Variants in OR52H1 observed in about 807,000 individuals in gnomAD.
The protein encoded by OR52H1 is olfactory receptor family 52 subfamily H member 1.
For synonymous variants in OR52H1, 148 were observed against 138.6 expected (o/e 1.07, Z -0.48); for missense variants, 383 against 396.4 (o/e 0.97, Z 0.29).
intron 1 of OR52H1, among the ~76,000 whole-genome samples, chr11:5,547,476 G>A (rs1240128165): frequency 6.6e-6 from 1 of 152,120 alleles, no homozygotes; most frequent in Non-Finnish European, 1.5e-5. Flanking sequence ...ATGTACTCTG[G>A]AGCCTCAGAA....
Position 5,544,767 on chromosome 11 carries a change from C to CT in OR52H1, c.738_739insA (p.Val247SerfsTer58). On this transcript the variant is annotated frameshift_variant, in exon 2 of 2. Transcript: ENST00000322653. LOFTEE classifies it low-confidence loss of function (END_TRUNC). ...GTATAAAACATGAGGATGACACAGA[C>CT]ATGAGAACCACAAGTGCCGAGGGCT... The CT allele has an allele frequency of 6.2e-7, 1 of 1,614,106 alleles. No homozygotes were observed. The highest frequency in any genetic ancestry group is 8.5e-7 in the Non-Finnish European group (1 of 1,180,010).
Position 5,548,539 on chromosome 11 carries a change from C to G in OR52H1, c.-118G>C, listed in dbSNP as rs1005199217. 31 of 142,444 alleles carry G rather than the reference C, an allele frequency of 2.2e-4. No homozygotes were observed. Among genetic ancestry groups the G allele is most frequent in the African/African-American group, 7.8e-4 (29 of 37,410 alleles). 8.8% of individuals were successfully genotyped at this position (142,444 alleles called of 1,614,324 possible). ...AGCAGACACACCAACCAAAAAAAAA[C>G]ATGAGTGGAAGGAAAAGGAAGGACG... On this transcript the variant is annotated 5_prime_UTR_variant, in exon 1 of 2. Transcript: ENST00000322653.
chr11:5,545,317 G>A lies in OR52H1; in HGVS notation c.189C>T (p.Phe63=), dbSNP rs779471094. 5 of 1,614,158 alleles carry A rather than the reference G, an allele frequency of 3.1e-6. No homozygotes were observed. The highest frequency in any genetic ancestry group is 1.7e-5 in the Admixed American group (1 of 60,030). Residue 63 remains phenylalanine, a synonymous_variant, in exon 2 of 2, where the codon TTC becomes TTT. Transcript: ENST00000322653. ...CAGTCATGGCCAGCATGGAGAGAAA[G>A]AAGAACATGGGTTCATGAAGACTAT... ...VEHSLHEPMF[F]FLSMLAMTDL... is the part of the protein sequence containing the mutation.
Position 5,544,718 on chromosome 11 carries a change from G to A in OR52H1, c.788C>T (p.Ala263Val), listed in dbSNP as rs1348807969. The change falls in exon 2 of 2, where the codon GCC becomes GTC. Residue 263 changes from alanine (A) to valine (V), a missense_variant. By Grantham distance (64) the Ala-to-Val change is moderately conservative (BLOSUM62 0). Transcript: ENST00000322653. ...FYTPAFFSILAHRFGHNVSRT... is the reference protein window; with the variant it reads ...FYTPAFFSILVHRFGHNVSRT... ...AGAGACATTGTGTCCAAAGCGATGG[G>A]CGAGGATGGAGAAAAAGGCAGGTGT... The A allele has an allele frequency of 6.2e-7, 1 of 1,614,056 alleles. No homozygotes were observed. Among genetic ancestry groups the A allele is most frequent in the African/African-American group, 1.3e-5 (1 of 74,912 alleles).
chr11:5,544,891 G>A lies in OR52H1; in HGVS notation c.615C>T (p.Pro205=), dbSNP rs759857622. Residue 205 remains proline, a synonymous_variant, in exon 2 of 2, where the codon CCC becomes CCT. Transcript: ENST00000322653. ...SINFWYGFCV[P]IMTVISDVIL... Reference sequence around the variant, plus strand: ...TCACATCTGAGATGACCGTCATGATGGGAACACAAAAGCCATACCAGAAGT... The same window carrying A: ...TCACATCTGAGATGACCGTCATGATAGGAACACAAAAGCCATACCAGAAGT... 1.2e-6 allele frequency: 2 copies of A among 1,613,938 alleles called. No homozygotes were observed. Among genetic ancestry groups the A allele is most frequent in the Non-Finnish European group, 1.7e-6 (2 of 1,179,900 alleles).
At chr11:5,548,208 G>A (rs1356760789) in intron 1 of OR52H1, among the ~76,000 whole-genome samples, 1 of 152,142 alleles carries the variant, frequency 6.6e-6, no homozygotes, top group Non-Finnish European at 1.5e-5. Flanking sequence ...TCCTAACACT[G>A]CTAACTGTGG....
Position 5,544,700 on chromosome 11 carries a change from T to C in OR52H1, c.806A>G (p.Asn269Ser), listed in dbSNP as rs375519710. The C allele has an allele frequency of 5.6e-5, 90 of 1,614,060 alleles. No homozygotes were observed. In the African/African-American group the frequency reaches 9.3e-4, roughly 17 times the overall value. ...CATGATGTGGAAGGTGCGAGAGACA[T>C]TGTGTCCAAAGCGATGGGCGAGGAT... ...FSILAHRFGH[N>S]VSRTFHIMFA... Residue 269 changes from asparagine to serine, a missense_variant, in exon 2 of 2, where the codon AAT (asparagine) becomes AGT (serine). By Grantham distance (46) the Asn-to-Ser change is conservative. Transcript: ENST00000322653.
At chr11:5,545,992 C>T (rs1250390502) in intron 1 of OR52H1, among the ~76,000 whole-genome samples, 1 of 152,150 alleles carries the variant, frequency 6.6e-6, no homozygotes, top group Admixed American at 6.5e-5. Context: ...CAACTGTTTG[C>T]TTCTCTTAAA....
At position 5,544,758 on chromosome 11, in the gene OR52H1, T is replaced by C. The variant is rs1846823755; in HGVS notation, c.748A>G (p.Ile250Val). The change falls in exon 2 of 2, where the codon ATC becomes GTC. Residue 250 changes from isoleucine (I) to valine (V), a missense_variant. Transcript: ENST00000322653. ...LGTCGSHVCV[I>V]LMFYTPAFFS... ...AAGGCAGGTGTATAAAACATGAGGA[T>C]GACACAGACATGAGAACCACAAGTG... is the stretch of plus-strand genomic sequence containing the variant. The C allele has an allele frequency of 1.2e-6, 2 of 1,614,058 alleles. No individual in the cohort carries two copies. Among genetic ancestry groups the C allele is most frequent in the East Asian group, 2.2e-5 (1 of 44,870 alleles).
intron 1 of OR52H1, among the ~76,000 whole-genome samples, chr11:5,547,893 C>T (rs1216682306): frequency 6.6e-6 from 1 of 152,196 alleles, no homozygotes; most frequent in Non-Finnish European, 1.5e-5. Flanking sequence ...GATCCACCTG[C>T]CTCAGCCTCC....
intron 1 of OR52H1, among the ~76,000 whole-genome samples, chr11:5,546,951 G>GTTAT (rs1040323330): frequency 6.6e-6 from 1 of 151,990 alleles, no homozygotes; most frequent in Non-Finnish European, 1.5e-5. Context: ...ATGCAGTGTG[G>GTTAT]TTATTTATTT....
In OR52H1 at chr11:5,544,903, G is replaced by A; in HGVS notation, c.603C>T (p.Gly201=). 1 of 1,613,978 alleles carries A rather than the reference G, an allele frequency of 6.2e-7. No homozygotes were observed. The highest frequency in any genetic ancestry group is 8.5e-7 in the Non-Finnish European group (1 of 1,179,916). ...CADISINFWY[G]FCVPIMTVIS... Reference sequence around the variant, plus strand: ...TGACCGTCATGATGGGAACACAAAAGCCATACCAGAAGTTGATGGAGATAT... The same window carrying A: ...TGACCGTCATGATGGGAACACAAAAACCATACCAGAAGTTGATGGAGATAT... Residue 201 remains glycine, a synonymous_variant, in exon 2 of 2, where the codon GGC becomes GGT. Transcript: ENST00000322653.
rs1038097252 is a variant in OR52H1, at chr11:5,546,338, C to T, written c.-30-803G>A. Among the ~76,000 whole-genome samples, 47 of 152,068 alleles carry T rather than the reference C, an allele frequency of 3.1e-4. 1 individual carries two copies. The highest frequency in any genetic ancestry group is 1.1e-3 in the African/African-American group (46 of 41,406). Reference sequence around the variant, plus strand: ...ACATACATCTATTAGAGAGACACATCGACCCAAGACACATACTCTCTCAAA... The same window carrying T: ...ACATACATCTATTAGAGAGACACATTGACCCAAGACACATACTCTCTCAAA... On this transcript the variant is annotated intron_variant, in intron 1 of 1. Coordinates refer to ENST00000322653, the MANE Select transcript of OR52H1 (RefSeq NM_001005289.5).
rs1350379419 is a variant in OR52H1, at chr11:5,544,819, G to A, written c.687C>T (p.Gly229=). The A allele has an allele frequency of 6.2e-7, 1 of 1,614,120 alleles. No homozygotes were observed. Among genetic ancestry groups the A allele is most frequent in the Non-Finnish European group, 8.5e-7 (1 of 1,180,000 alleles). Residue 229 remains glycine, a synonymous_variant, in exon 2 of 2, where the codon GGC becomes GGT. Coordinates refer to ENST00000322653, the MANE Select transcript of OR52H1 (RefSeq NM_001005289.5). ...SYAHILCAVF[G]LPSQDACQKA... ...TCTGGCAGGCATCTTGGGAGGGAAG[G>A]CCAAAGACAGCACAGAGGATGTGTG... is the stretch of plus-strand genomic sequence containing the variant.
At position 5,545,204 on chromosome 11, in the gene OR52H1, G is replaced by A. The variant is rs1846835234; in HGVS notation, c.302C>T (p.Thr101Ile). 2 of 1,614,184 alleles carry A rather than the reference G, an allele frequency of 1.2e-6. No individual in the cohort carries two copies. The highest frequency in any genetic ancestry group is 1.1e-5 in the South Asian group (1 of 91,084). Residue 101 changes from threonine to isoleucine, a missense_variant, in exon 2 of 2, where the codon ACA (threonine) becomes ATA (isoleucine). Coordinates refer to ENST00000322653, the MANE Select transcript of OR52H1 (RefSeq NM_001005289.5). ...AREITFPGCL[T>I]QMFFLHYNFV... ...GTTATAGTGAAGGAAGAACATTTGT[G>A]TAAGGCATCCTGGGAATGTGATTTC...
At chr11:5,546,719 T>C (rs1846861186) in intron 1 of OR52H1, among the ~76,000 whole-genome samples, 1 of 152,176 alleles carries the variant, frequency 6.6e-6, no homozygotes, top group African/African-American at 2.4e-5. Context: ...TGAACTCAAA[T>C]ACAACAGATG....
rs1687496200 is a variant in OR52H1, at chr11:5,545,117, G to C, written c.389C>G (p.Ser130Cys). ...CAAGATGGTGGTATATCTCAAGGGA[G>C]AACAGATAGCTACATAGTGATCAAA... Reference protein sequence around the residue: ...MAFDHYVAICSPLRYTTILTP... With the variant: ...MAFDHYVAICCPLRYTTILTP... The change falls in exon 2 of 2, where the codon TCT becomes TGT. Residue 130 changes from serine to cysteine, a missense_variant. By Grantham distance (112) the Ser-to-Cys change is moderately radical (BLOSUM62 -1). Coordinates refer to ENST00000322653, the MANE Select transcript of OR52H1 (RefSeq NM_001005289.5). 3 of 1,614,054 alleles carry C rather than the reference G, an allele frequency of 1.9e-6. No individual in the cohort carries two copies. Among genetic ancestry groups the C allele is most frequent in the East Asian group, 2.2e-5 (1 of 44,872 alleles).
intron 1 of OR52H1, among the ~76,000 whole-genome samples, chr11:5,547,049 C>T (rs1057223868): frequency 1.7e-4 from 26 of 152,066 alleles, no homozygotes; most frequent in Non-Finnish European, 3.1e-4. Context: ...TCCGCCTCCC[C>T]GGTTCAAGCG....
chr11:5,548,384 C>G (rs976151418), intron 1 of OR52H1, 68 bp downstream of exon 1: 1 of 152,148 alleles, frequency 6.6e-6, no homozygotes, highest in Non-Finnish European at 1.5e-5. Flanking sequence ...AGAAATAGAG[C>G]CCTGGCTTTT....
Sources: gnomAD v4.1 joint callset for allele counts (sites outside exome capture counted in the v4.1 genomes callset) on GRCh38, gnomAD v4.1.1 for gene constraint, MANE v1.5 for transcripts, NCBI Gene and HGNC (gene_info 2026-07-23, HGNC 2026-07-21) for gene names.